The following DTNB variants were observed in gnomAD, a reference collection of about 807,000 sequenced individuals.
The protein encoded by DTNB is dystrobrevin beta.
In DTNB, 63 loss-of-function variants were observed where a neutral mutation model predicts 90.7. That is an observed-to-expected ratio of 0.69 (90% CI 0.57 to 0.86). DTNB has a LOEUF of 0.86. Ranked by LOEUF, DTNB falls within the 40% of genes least tolerant of loss-of-function variation. DTNB has a pLI of 0.00. For missense variants in DTNB, 744 were observed against 807.1 expected, an observed-to-expected ratio of 0.92 and a Z score of 0.95; for synonymous variants, 277 against 286.7, an observed-to-expected ratio of 0.97 and a Z score of 0.34.
intron 9 of DTNB, among the ~76,000 whole-genome samples, chr2:25,508,398 T>A (rs2073021523): frequency 1.3e-5 from 2 of 152,096 alleles, no homozygotes; most frequent in Admixed American, 6.6e-5. Context: ...TTAAATATGA[T>A]CCATTCTGAA....
At chr2:25,395,216 T>C (rs958880457) in intron 16 of DTNB, among the ~76,000 whole-genome samples, 4 of 152,108 alleles carry the variant, frequency 2.6e-5, no homozygotes, top group African/African-American at 7.2e-5. Context: ...TATTGGACTT[T>C]GGGGACTCGG....
intron 8 of DTNB, among the ~76,000 whole-genome samples, chr2:25,543,015 A>G (rs1400206405): frequency 6.6e-6 from 1 of 152,094 alleles, no homozygotes; most frequent in African/African-American, 2.4e-5. Context: ...CTTTTAATTT[A>G]TATATCTGTA....
chr2:25,530,214 T>A (rs2077907020), intron 9 of DTNB, among the ~76,000 whole-genome samples: 1 of 152,126 alleles, frequency 6.6e-6, no homozygotes, highest in Non-Finnish European at 1.5e-5. Context: ...GGCAGGTGGA[T>A]CACTTGAACC....
intron 8 of DTNB, among the ~76,000 whole-genome samples, chr2:25,542,104 T>C (rs927161439): frequency 3.9e-5 from 6 of 152,138 alleles, no homozygotes; most frequent in African/African-American, 1.2e-4. Flanking sequence ...GTTTAGTCAA[T>C]AGATGTTGGG....
At chr2:25,636,919 G>T (rs1447312091) in intron 3 of DTNB, among the ~76,000 whole-genome samples, 2 of 151,464 alleles carry the variant, frequency 1.3e-5, no homozygotes, top group Admixed American at 6.6e-5. Context: ...TCTTCGGAGA[G>T]AATTTTAAGT....
intron 8 of DTNB, among the ~76,000 whole-genome samples, chr2:25,556,791 T>C (rs1488246640): frequency 3.9e-5 from 6 of 151,916 alleles, no homozygotes; most frequent in African/African-American, 1.5e-4. Context: ...GCTGGGAGGA[T>C]GGGGAGAAGA....
At chr2:25,623,992 C>T (rs1033478542) in intron 4 of DTNB, among the ~76,000 whole-genome samples, 2 of 152,082 alleles carry the variant, frequency 1.3e-5, no homozygotes, top group African/African-American at 2.4e-5. Flanking sequence ...CCTCATGATA[C>T]CCTCCAGTGT....
chr2:25,559,947 A>G (rs1018932837), intron 8 of DTNB, among the ~76,000 whole-genome samples: 1 of 152,226 alleles, frequency 6.6e-6, no homozygotes, highest in African/African-American at 2.4e-5. Flanking sequence ...TGTGATGTTC[A>G]ATGTACGTGT....
intron 8 of DTNB, among the ~76,000 whole-genome samples, chr2:25,546,628 C>A (rs1044994710): frequency 2.6e-5 from 4 of 152,184 alleles, no homozygotes; most frequent in Admixed American, 1.3e-4. Flanking sequence ...TCTGATAGAC[C>A]CCTGGAACAC....
intron 1 of DTNB, among the ~76,000 whole-genome samples, chr2:25,655,332 C>T (rs1188276276): frequency 1.3e-5 from 2 of 152,170 alleles, no homozygotes; most frequent in Admixed American, 6.5e-5. Flanking sequence ...GCCTACCCTC[C>T]TGGAGATATG....
chr2:25,476,521 G>C (rs2063785728), intron 10 of DTNB, among the ~76,000 whole-genome samples: 2 of 152,318 alleles, frequency 1.3e-5, no homozygotes, highest in Admixed American at 1.3e-4. Flanking sequence ...AAAAACATTT[G>C]TGATTCATGG....
chr2:25,650,666 T>C (rs17047120), intron 2 of DTNB, among the ~76,000 whole-genome samples: 2 of 152,094 alleles, frequency 1.3e-5, no homozygotes, highest in African/African-American at 4.8e-5. Context: ...AGCAAAGAAG[T>C]AGCACAGATT....
chr2:25,641,776 AAG>A (rs2078359922), intron 2 of DTNB, among the ~76,000 whole-genome samples: 1 of 152,206 alleles, frequency 6.6e-6, no homozygotes, highest in Non-Finnish European at 1.5e-5. Flanking sequence ...CAGACAAGGG[AAG>A]AGTTTTAGAA....
chr2:25,532,363 G>A (rs1226119190), intron 8 of DTNB, among the ~76,000 whole-genome samples: 1 of 152,024 alleles, frequency 6.6e-6, no homozygotes, highest in Non-Finnish European at 1.5e-5. Context: ...AAGATGTTAG[G>A]ATATTCCCAA....
chr2:25,451,308 T>C (rs994754507), intron 12 of DTNB, among the ~76,000 whole-genome samples: 5 of 152,308 alleles, frequency 3.3e-5, no homozygotes, highest in African/African-American at 1.2e-4. Flanking sequence ...TCTGAATTGT[T>C]CCCAATATTA....
intron 10 of DTNB, among the ~76,000 whole-genome samples, chr2:25,472,730 A>C (rs1156584327): frequency 4.6e-5 from 7 of 152,146 alleles, no homozygotes; most frequent in Non-Finnish European, 2.9e-5. Flanking sequence ...CTAAAAATAG[A>C]AAAATTAGCT....
chr2:25,517,865 T>C (rs1445028837), intron 9 of DTNB, among the ~76,000 whole-genome samples: 1 of 152,188 alleles, frequency 6.6e-6, no homozygotes, highest in Non-Finnish European at 1.5e-5. Context: ...ATGAATATCA[T>C]TCAGCCTTAG....
chr2:25,596,064 G>C (rs2064551996), intron 6 of DTNB, 22 bp downstream of exon 6: 1 of 1,570,546 alleles, frequency 6.4e-7, no homozygotes, highest in Non-Finnish European at 8.6e-7. Context: ...TCTAGCCCTA[G>C]ATTCTATAAA....
chr2:25,455,755 G>A (rs2059931670), intron 10 of DTNB, among the ~76,000 whole-genome samples: 1 of 152,224 alleles, frequency 6.6e-6, no homozygotes, highest in African/African-American at 2.4e-5. Flanking sequence ...GGAAGAACCT[G>A]TTGAGTCGGC....
Sources: gnomAD v4.1 joint callset for allele counts (sites outside exome capture counted in the v4.1 genomes callset) on GRCh38, gnomAD v4.1.1 for gene constraint, MANE v1.5 for transcripts, NCBI Gene and HGNC (gene_info 2026-07-23, HGNC 2026-07-21) for gene names.